The following ZMYND8 variants were observed in gnomAD, a reference collection of about 807,000 sequenced individuals.
ZMYND8 encodes MYND-type zinc finger-containing chromatin reader ZMYND8.
A neutral mutation model predicts 140.8 loss-of-function variants in ZMYND8; 37 were observed. That is an observed-to-expected ratio of 0.26 (90% CI 0.20 to 0.35). The LOEUF (loss-of-function observed/expected upper bound fraction) is 0.35. ZMYND8 is among the 10% of genes least tolerant of loss of function. The pLI, the probability that ZMYND8 is intolerant of heterozygous loss-of-function variation, is 1.00. For synonymous variants in ZMYND8, 592 were observed against 597.1 expected (o/e 0.99, Z 0.12); for missense variants, 1,068 against 1,570.0 (o/e 0.68, Z 5.40).
At chr20:47,218,814 T>C (rs746434050) in intron 21 of ZMYND8, among the ~76,000 whole-genome samples, 1 of 152,064 alleles carries the variant, frequency 6.6e-6, no homozygotes, top group Non-Finnish European at 1.5e-5. Flanking sequence ...CCAAATCCCA[T>C]CCAACTTTCA....
In ZMYND8 at chr20:47,225,095, C is replaced by A. The variant is rs556084846; in HGVS notation, c.3017-539G>T. Among the ~76,000 whole-genome samples the A allele has an allele frequency of 2.0e-5, 3 of 148,412 alleles. No individual in the cohort carries two copies. In the South Asian group the frequency reaches 6.6e-4, roughly 32 times the overall value. On this transcript the variant is annotated intron_variant, in intron 18 of 22. Coordinates refer to ENST00000471951, the MANE Select transcript of ZMYND8 (RefSeq NM_001281775.3). The stretch of plus-strand genomic sequence containing the variant: ...CAGCTAGCTGGGCCTAGACCTCAGG[C>A]GTGCTTTCTTGTAGGTGTCTCCTGT...
chr20:47,291,514 C>G (rs1306891697), intron 6 of ZMYND8, among the ~76,000 whole-genome samples: 1 of 152,204 alleles, frequency 6.6e-6, no homozygotes, highest in Non-Finnish European at 1.5e-5. Context: ...AATCAAATCA[C>G]TAACTCTTAG....
At chr20:47,339,118 G>A (rs1245338741) in intron 2 of ZMYND8, among the ~76,000 whole-genome samples, 4 of 151,092 alleles carry the variant, frequency 2.6e-5, no homozygotes, top group African/African-American at 9.7e-5. Context: ...GACTACAGGC[G>A]CCCACCTCCA....
At chr20:47,322,448 T>C (rs1009086452) in intron 2 of ZMYND8, among the ~76,000 whole-genome samples, 8 of 150,632 alleles carry the variant, frequency 5.3e-5, no homozygotes, top group Non-Finnish European at 1.2e-4. Flanking sequence ...CTTTTTTTTT[T>C]TTTTTTTTTT....
intron 21 of ZMYND8, among the ~76,000 whole-genome samples, chr20:47,214,147 T>G (rs1038727842): frequency 1.3e-5 from 2 of 152,234 alleles, no homozygotes; most frequent in African/African-American, 4.8e-5. Flanking sequence ...TCCTTCTAGA[T>G]ATGTCACGTG....
intron 12 of ZMYND8, among the ~76,000 whole-genome samples, chr20:47,255,767 GTA>G (rs1187027631): frequency 8.9e-5 from 6 of 67,392 alleles, no homozygotes; most frequent in East Asian, 3.8e-4. Flanking sequence ...TATATATACG[GTA>G]TATATATATA....
intron 11 of ZMYND8, among the ~76,000 whole-genome samples, chr20:47,269,277 G>T (rs149253060): frequency 2.4e-4 from 37 of 152,340 alleles, no homozygotes; most frequent in African/African-American, 8.9e-4. Flanking sequence ...ATATACATGA[G>T]GGTGTGGGTG....
Position 47,238,766 on chromosome 20 carries a change from G to A in ZMYND8, c.2657C>T (p.Ala886Val). The change falls in exon 15 of 23, where the codon GCT becomes GTT. Residue 886 changes from alanine to valine, a missense_variant. Ala to Val is a moderately conservative substitution (Grantham distance 64). Coordinates refer to ENST00000471951, the MANE Select transcript of ZMYND8 (RefSeq NM_001281775.3). ...SQGTRYQTRQ[A>V]VKAVQQKEIT... ...AAGGGGAGGCTCGGTACCTTTCACA[G>A]CCTGTCTGGTCTGATATCTCGTCCC... is the stretch of plus-strand genomic sequence containing the variant. The A allele has an allele frequency of 6.2e-7, 1 of 1,611,478 alleles. No homozygotes were observed. Among genetic ancestry groups the A allele is most frequent in the Non-Finnish European group, 8.5e-7 (1 of 1,179,324 alleles).
At chr20:47,323,779 T>C (rs1182233600) in intron 2 of ZMYND8, among the ~76,000 whole-genome samples, 1 of 151,638 alleles carries the variant, frequency 6.6e-6, no homozygotes. Context: ...TGCACTCCCC[T>C]CTCCACTCAA....
chr20:47,247,509 G>A (rs2040711881), intron 13 of ZMYND8, among the ~76,000 whole-genome samples: 1 of 152,128 alleles, frequency 6.6e-6, no homozygotes, highest in African/African-American at 2.4e-5. Flanking sequence ...AACAAAAATG[G>A]GCAGAAGCAC....
At chr20:47,245,845 C>T (rs760438090) in intron 14 of ZMYND8, among the ~76,000 whole-genome samples, 163 bp downstream of exon 14, 3 of 152,178 alleles carry the variant, frequency 2.0e-5, no homozygotes, top group Non-Finnish European at 2.9e-5. Flanking sequence ...AGCTAGGCAA[C>T]CTTAAACCAA....
intron 4 of ZMYND8, among the ~76,000 whole-genome samples, chr20:47,297,159 T>C (rs2077692133): frequency 6.6e-6 from 1 of 152,164 alleles, no homozygotes; most frequent in Non-Finnish European, 1.5e-5. Context: ...AAACCCTACA[T>C]ATTTCTCCAT....
At chr20:47,327,717 C>A (rs1296567357) in intron 2 of ZMYND8, among the ~76,000 whole-genome samples, 2 of 152,222 alleles carry the variant, frequency 1.3e-5, no homozygotes, top group African/African-American at 4.8e-5. Context: ...ATGGAACAAT[C>A]CTCCCGCCTG....
chr20:47,259,095 C>A (rs925540228), intron 12 of ZMYND8, among the ~76,000 whole-genome samples: 1 of 151,908 alleles, frequency 6.6e-6, no homozygotes, highest in Non-Finnish European at 1.5e-5. Flanking sequence ...CACAGTGTCA[C>A]GAGGAAGCCC....
At position 47,276,694 on chromosome 20, in the gene ZMYND8, T is replaced by A; in HGVS notation, c.1100A>T (p.Glu367Val). 2 of 1,613,986 alleles carry A rather than the reference T, an allele frequency of 1.2e-6. No individual in the cohort carries two copies. Among genetic ancestry groups the A allele is most frequent in the Non-Finnish European group, 1.7e-6 (2 of 1,179,998 alleles). The change falls in exon 11 of 23, where the codon GAG (glutamate) becomes GTG (valine). Residue 367 changes from glutamate to valine, a missense_variant. Physicochemically the swap from Glu to Val is moderately radical, Grantham distance 121. Coordinates refer to ENST00000471951, the MANE Select transcript of ZMYND8 (RefSeq NM_001281775.3). ...CCTGCGGATGTTCTCCACGTAAACC[T>A]CCATCTCTTGCATGGCACTGTTGAA... ...SIFNSAMQEM[E>V]VYVENIRRKF...
chr20:47,262,482 G>T lies in ZMYND8; in HGVS notation c.1481-54C>A, dbSNP rs926547967. On this transcript the variant is annotated intron_variant, in intron 11 of 22. Coordinates refer to ENST00000471951, the MANE Select transcript of ZMYND8 (RefSeq NM_001281775.3). ...AGGTTTACAAATAAACAAGTAGAAC[G>T]TGTAGGTGTGGTGTAGGGAGAGAAT... 56 of 1,607,682 alleles carry T rather than the reference G, an allele frequency of 3.5e-5. No homozygotes were observed. In the South Asian group the frequency reaches 5.8e-4, roughly 17 times the overall value.
chr20:47,240,955 C>T (rs1392766355), intron 14 of ZMYND8, among the ~76,000 whole-genome samples: 1 of 152,144 alleles, frequency 6.6e-6, no homozygotes, highest in African/African-American at 2.4e-5. Context: ...CTACACGGGA[C>T]GTGCTACTGT....
chr20:47,336,524 T>C (rs930677100), intron 2 of ZMYND8, among the ~76,000 whole-genome samples: 2 of 152,190 alleles, frequency 1.3e-5, no homozygotes, highest in African/African-American at 2.4e-5. Context: ...AGCCTTTGTA[T>C]GGAGACGTGA....
intron 2 of ZMYND8, among the ~76,000 whole-genome samples, chr20:47,314,902 A>G (rs1198285671): frequency 6.6e-6 from 1 of 152,186 alleles, no homozygotes; most frequent in Non-Finnish European, 1.5e-5. Context: ...AAGGGACTAG[A>G]CTAGAAGTTC....
Sources: gnomAD v4.1 joint callset for allele counts (sites outside exome capture counted in the v4.1 genomes callset) on GRCh38, gnomAD v4.1.1 for gene constraint, MANE v1.5 for transcripts, NCBI Gene and HGNC (gene_info 2026-07-23, HGNC 2026-07-21) for gene names.